The following CMIP variants were observed in gnomAD, a reference collection of about 807,000 sequenced individuals.
CMIP encodes C-Maf-inducing protein.
A neutral mutation model predicts 97.3 loss-of-function variants in CMIP; 13 were observed. That is an observed-to-expected ratio of 0.13 (90% CI 0.09 to 0.21). The LOEUF (loss-of-function observed/expected upper bound fraction) is 0.21. CMIP is among the 10% of genes least tolerant of loss of function. The probability of loss-of-function intolerance (pLI) is 1.00; values close to 1 mark genes in which losing one functional copy is unlikely to be tolerated. For missense variants in CMIP, 847 were observed against 1,024.9 expected (o/e 0.83, Z 2.37); for synonymous variants, 538 against 436.3 (o/e 1.23, Z -2.91).
intron 1 of CMIP, among the ~76,000 whole-genome samples, chr16:81,547,244 G>T (rs558630805): frequency 2.6e-5 from 4 of 152,270 alleles, no homozygotes; most frequent in Non-Finnish European, 4.4e-5. Context: ...AGACGGAAGG[G>T]GTTCAGCGCG....
At chr16:81,594,780 ATTTTTTT>A (rs570057427) in intron 1 of CMIP, among the ~76,000 whole-genome samples, 104 of 115,052 alleles carry the variant, frequency 9.0e-4, no homozygotes, top group African/African-American at 1.1e-3. Flanking sequence ...CGCCCAGCTA[ATTTTTTT>A]TTTTTTTTTT....
intron 1 of CMIP, among the ~76,000 whole-genome samples, chr16:81,577,488 C>T (rs930536502): frequency 1.0e-5 from 1 of 96,490 alleles, no homozygotes; most frequent in African/African-American, 2.8e-5. Flanking sequence ...ATATTATTAT[C>T]ACTATCACCA....
rs75454940 is a variant in CMIP at position 81,660,993 on chromosome 16, C to A, written c.744+47C>A. ...GCTGTGGCTGCAGGAAGTAACCTCCCTCTGTGCGCATACCAGGGATTGGGT... is the reference window on the plus strand; with the variant it reads ...GCTGTGGCTGCAGGAAGTAACCTCCATCTGTGCGCATACCAGGGATTGGGT... On this transcript the variant is annotated intron_variant, in intron 6 of 20. Coordinates refer to ENST00000537098, the MANE Select transcript of CMIP (RefSeq NM_198390.3). The A allele has an allele frequency of 1.9e-6, 3 of 1,610,520 alleles. No individual in the cohort carries two copies. The Admixed American group carries it at 5.0e-5, about 27-fold the overall frequency.
Position 81,616,471 on chromosome 16 carries a change from C to G in CMIP, c.427-4405C>G, listed in dbSNP as rs1413062917. Among the ~76,000 whole-genome samples, 1 of 152,226 alleles carries G rather than the reference C, an allele frequency of 6.6e-6. No individual in the cohort carries two copies. Among genetic ancestry groups the G allele is most frequent in the Non-Finnish European group, 1.5e-5 (1 of 68,032 alleles). On this transcript the variant is annotated intron_variant, in intron 2 of 20. Transcript: ENST00000537098. This position sits in a 1 kb window ranked among gnomAD's most constrained non-coding sequence, Gnocchi z 4.7. ...GGAGAGGAGGTGTGTGTGAGCATTT[C>G]TCGTGGTGCCTGGTACCGAGTAAGC... is the stretch of plus-strand genomic sequence containing the variant.
At chr16:81,605,135 T>G (rs981402684) in intron 1 of CMIP, among the ~76,000 whole-genome samples, 1 of 152,140 alleles carries the variant, frequency 6.6e-6, no homozygotes, top group Non-Finnish European at 1.5e-5. Context: ...CAAGACATAC[T>G]GTTAGGGCTG....
chr16:81,577,928 C>A (rs971217120), intron 1 of CMIP, among the ~76,000 whole-genome samples: 1 of 151,386 alleles, frequency 6.6e-6, no homozygotes. Flanking sequence ...ACCATCATCA[C>A]CATCACCTTC....
intron 1 of CMIP, among the ~76,000 whole-genome samples, chr16:81,562,889 TTTGGAATCCAAAGCCC>T: frequency 6.6e-6 from 1 of 152,326 alleles, no homozygotes; most frequent in African/African-American, 2.4e-5. Context: ...ACTCAGGGCT[TTTGGAATCCAAAGCCC>T]TTGCCCTTGT....
At chr16:81,610,273 G>A (rs573195788) in intron 2 of CMIP, 47 of 980,202 alleles carry the variant, frequency 4.8e-5, no homozygotes, top group Non-Finnish European at 5.5e-5. Flanking sequence ...CCTGGCCGCC[G>A]TGTCTGGCAG....
intron 1 of CMIP, among the ~76,000 whole-genome samples, chr16:81,449,012 C>T (rs1906043058): frequency 6.6e-6 from 1 of 152,258 alleles, no homozygotes; most frequent in African/African-American, 2.4e-5. Context: ...GGACCAGAAT[C>T]CATTTTGCTG....
At chr16:81,461,051 G>T (rs1032800563) in intron 1 of CMIP, among the ~76,000 whole-genome samples, 2 of 152,236 alleles carry the variant, frequency 1.3e-5, no homozygotes, top group Non-Finnish European at 2.9e-5. Context: ...CAGATGCGAG[G>T]TTACCACGCT....
chr16:81,693,712 G>A (rs980739864), intron 13 of CMIP, among the ~76,000 whole-genome samples: 2 of 152,226 alleles, frequency 1.3e-5, no homozygotes, highest in African/African-American at 2.4e-5. Flanking sequence ...TCCACTGGCT[G>A]GTGGTTTCTG....
At chr16:81,548,263 AG>A (rs776233791) in intron 1 of CMIP, among the ~76,000 whole-genome samples, 17 of 151,194 alleles carry the variant, frequency 1.1e-4, no homozygotes, top group Non-Finnish European at 2.2e-4. Flanking sequence ...CCTCCTAAGT[AG>A]CTAGGACTAC....
chr16:81,450,536 A>G (rs1320623731), intron 1 of CMIP, among the ~76,000 whole-genome samples: 2 of 152,160 alleles, frequency 1.3e-5, no homozygotes, highest in Non-Finnish European at 2.9e-5. Context: ...CAGGATTCCA[A>G]TTCCTGTTTT....
rs1906335532 is a variant in CMIP at position 81,453,106 on chromosome 16, A to T, written c.300+7565A>T. ...TTGCCAGCGAGGAAGGGGTGAGGGG[A>T]AGTGTGTCGGCAAAGACCCTTGCAG... is the stretch of plus-strand genomic sequence containing the variant. On this transcript the variant is annotated intron_variant, in intron 1 of 20. Coordinates refer to ENST00000537098, the MANE Select transcript of CMIP (RefSeq NM_198390.3). This position sits in a 1 kb window ranked among gnomAD's most constrained non-coding sequence, Gnocchi z 4.0. Among the ~76,000 whole-genome samples the T allele has an allele frequency of 6.6e-6, 1 of 151,946 alleles. No homozygotes were observed. The highest frequency in any genetic ancestry group is 1.5e-5 in the Non-Finnish European group (1 of 67,988).
Position 81,493,779 on chromosome 16 carries a change from C to T in CMIP, c.300+48238C>T, listed in dbSNP as rs145617053. Among the ~76,000 whole-genome samples the T allele has an allele frequency of 1.3e-3, 199 of 152,330 alleles. 1 individual carries two copies. The highest frequency in any genetic ancestry group is 4.6e-3 in the African/African-American group (191 of 41,582). ...TCGCAGAACCCACAGCTGAGGAGAC[C>T]AGAGCTCAAAGGGGCGAGTCACCTG... On this transcript the variant is annotated intron_variant, in intron 1 of 20. Transcript: ENST00000537098.
chr16:81,557,879 T>C (rs1315815798), intron 1 of CMIP, among the ~76,000 whole-genome samples: 2 of 152,180 alleles, frequency 1.3e-5, no homozygotes, highest in Non-Finnish European at 2.9e-5. Context: ...CAACCATCAC[T>C]ACCCTCCATC....
chr16:81,613,158 C>T (rs1014721349), intron 2 of CMIP, among the ~76,000 whole-genome samples: 2 of 152,230 alleles, frequency 1.3e-5, no homozygotes, highest in African/African-American at 2.4e-5. Context: ...TTGGCTCCAT[C>T]AGCCTCCACC....
At chr16:81,540,677 TG>T (rs1268343486) in intron 1 of CMIP, among the ~76,000 whole-genome samples, 1 of 150,424 alleles carries the variant, frequency 6.6e-6, no homozygotes, top group African/African-American at 2.4e-5. Context: ...TGTGTGTGTG[TG>T]TGTGTGTTTG....
At chr16:81,661,970 C>T (rs1216317525) in intron 6 of CMIP, among the ~76,000 whole-genome samples, 1 of 152,148 alleles carries the variant, frequency 6.6e-6, no homozygotes, top group Non-Finnish European at 1.5e-5. Flanking sequence ...ATGTGTGCCC[C>T]CTGGCCCAGG....
Sources: allele counts gnomAD v4.1 joint callset (sites outside exome capture counted in the v4.1 genomes callset), GRCh38; gene constraint gnomAD v4.1.1; non-coding constraint Gnocchi (gnomAD v3.1); transcripts MANE v1.5; gene names NCBI Gene and HGNC (gene_info 2026-07-23, HGNC 2026-07-21).